Variants in ATP2B4 observed in about 807,000 individuals in gnomAD.
ATP2B4 encodes plasma membrane calcium-transporting ATPase 4.
In ATP2B4, 39 loss-of-function variants were observed where a neutral mutation model predicts 110.3. That is an observed-to-expected ratio of 0.35 (90% confidence interval 0.27 to 0.46). The LOEUF (loss-of-function observed/expected upper bound fraction) is 0.46. Among genes scored for constraint, ATP2B4 ranks in the 20% least tolerant of loss-of-function variants. ATP2B4 has a pLI of 1.00. For missense variants in ATP2B4, 1,135 were observed against 1,530.9 expected (o/e 0.74, Z 4.32); for synonymous variants, 538 against 571.7 (o/e 0.94, Z 0.84).
intron 1 of ATP2B4, among the ~76,000 whole-genome samples, chr1:203,651,128 CT>C (rs1404461502): frequency 2.0e-5 from 3 of 152,062 alleles, no homozygotes; most frequent in Admixed American, 2.0e-4. Context: ...AACAAAAGTT[CT>C]TATTTAAGAG....
chr1:203,672,831 G>A (rs3892123), intron 1 of ATP2B4, among the ~76,000 whole-genome samples: 5,604 of 152,250 alleles, frequency 0.037, 205 homozygotes, highest in African/African-American at 0.095. Flanking sequence ...AGGGGCCTGG[G>A]TGTCCCTCTG....
chr1:203,659,495 G>T (rs193090402), intron 1 of ATP2B4, among the ~76,000 whole-genome samples: 1 of 151,562 alleles, frequency 6.6e-6, no homozygotes, highest in Non-Finnish European at 1.5e-5. Flanking sequence ...ACAGCAAAAC[G>T]TTGTCTCTAC....
intron 15 of ATP2B4, among the ~76,000 whole-genome samples, chr1:203,719,225 G>GA (rs60841821): frequency 0.01 from 555 of 54,146 alleles, 15 homozygotes; most frequent in African/African-American, 0.029. Context: ...ACCCTGTCTC[G>GA]AAAAAAAAAA....
intron 18 of ATP2B4, among the ~76,000 whole-genome samples, chr1:203,723,392 GTTT>G (rs10593701): frequency 0.71 from 87,914 of 123,676 alleles, 32,109 homozygotes; most frequent in Non-Finnish European, 0.77. Context: ...TTTTCTTTTT[GTTT>G]TTTTTTTTTT....
chr1:203,705,657 T>G (rs1369095848), intron 8 of ATP2B4, among the ~76,000 whole-genome samples: 2 of 152,226 alleles, frequency 1.3e-5, no homozygotes, highest in South Asian at 4.1e-4. Context: ...CCTCAAGTGA[T>G]CTGCCGGCCT....
intron 5 of ATP2B4, 118 bp from the exon 6 acceptor site, chr1:203,700,680 C>A: frequency 7.3e-7 from 1 of 1,377,674 alleles, no homozygotes; most frequent in African/African-American, 1.4e-5. Context: ...CTGTGCTAAG[C>A]ACATCATTAT....
Position 203,708,043 on chromosome 1 carries a change from A to G in ATP2B4, c.1496A>G (p.Lys499Arg), listed in dbSNP as rs1665901560. 6.2e-7 allele frequency: 1 copy of G among 1,614,178 alleles called. No individual in the cohort carries two copies. The highest frequency in any genetic ancestry group is 1.3e-5 in the African/African-American group (1 of 75,042). ...CCAAGCCCTGATGTCTTCCTGCCCA[A>G]AGTCCTGGACCTCATTGTCAATGGC... is the stretch of plus-strand genomic sequence containing the variant. ...QIPSPDVFLP[K>R]VLDLIVNGIS... Residue 499 changes from lysine to arginine, a missense_variant, in exon 10 of 21, where the codon AAA becomes AGA. Physicochemically the swap from Lys to Arg is conservative, Grantham distance 26. Around this residue, in one of 9 missense-constraint regions of ATP2B4, gnomAD observed 368 missense variants for 455.9 expected, o/e 0.81. Coordinates refer to ENST00000357681, the MANE Select transcript of ATP2B4 (RefSeq NM_001684.5).
At position 203,739,824 on chromosome 1, in the gene ATP2B4, C is replaced by T. The variant is rs569543365; in HGVS notation, c.3588C>T (p.Ser1196=). ...AAGTGCAGCTCCCCCAGTCGGACAGCTCTCTACAGAGCCTAGAGACATCAG... is the reference window on the plus strand; with the variant it reads ...AAGTGCAGCTCCCCCAGTCGGACAGTTCTCTACAGAGCCTAGAGACATCAG... The part of the protein sequence containing the change: ...CNQVQLPQSD[S]SLQSLETSV The change falls in exon 21 of 21, where the codon AGC becomes AGT. Residue 1196 remains serine, a synonymous_variant. Transcript: ENST00000357681. 5.6e-6 allele frequency: 9 copies of T among 1,614,012 alleles called. No individual in the cohort carries two copies. The highest frequency in any genetic ancestry group is 7.6e-6 in the Non-Finnish European group (9 of 1,179,998).
chr1:203,664,820 G>A (rs184311040), intron 1 of ATP2B4, among the ~76,000 whole-genome samples: 15 of 152,176 alleles, frequency 9.9e-5, no homozygotes, highest in African/African-American at 2.6e-4. Flanking sequence ...TAGTCCTTAA[G>A]GTACTTTTAT....
At chr1:203,713,354 G>T in intron 14 of ATP2B4, 102 bp downstream of exon 14, 1 of 1,269,840 alleles carries the variant, frequency 7.9e-7, no homozygotes. Flanking sequence ...TCCAAATAGG[G>T]AGGTCCTAGG....
At chr1:203,655,343 A>G (rs1664127424) in intron 1 of ATP2B4, among the ~76,000 whole-genome samples, 2 of 32,674 alleles carry the variant, frequency 6.1e-5, no homozygotes, top group Admixed American at 1.1e-3. Flanking sequence ...TCAGTCCTTC[A>G]TGGGGATGTA....
chr1:203,727,821 C>G, intron 20 of ATP2B4: 1 of 475,374 alleles, frequency 2.1e-6, no homozygotes, highest in Non-Finnish European at 3.8e-6. Context: ...TCTGGGTTGA[C>G]CCTAAAGCCC....
chr1:203,712,122 C>G lies in ATP2B4; in HGVS notation c.2194C>G (p.Arg732Gly). Reference sequence around the variant, plus strand: ...AGGCAAAGAATTCAACCGGCTCATCCGCAACGAGAAAGGCGAGGTGGGTCC... The same window carrying G: ...AGGCAAAGAATTCAACCGGCTCATCGGCAACGAGAAAGGCGAGGTGGGTCC... ...LEGKEFNRLIRNEKGEVEQEK... is the reference protein window; with the variant it reads ...LEGKEFNRLIGNEKGEVEQEK... The change falls in exon 13 of 21, where the codon CGC (arginine) becomes GGC (glycine). Residue 732 changes from arginine (R) to glycine (G), a missense_variant. This residue lies in a region of ATP2B4 where 368 missense variants were observed against 455.9 expected (regional missense o/e 0.81). Coordinates refer to ENST00000357681, the MANE Select transcript of ATP2B4 (RefSeq NM_001684.5). 1.2e-6 allele frequency: 2 copies of G among 1,613,926 alleles called. No individual in the cohort carries two copies. Among genetic ancestry groups the G allele is most frequent in the Non-Finnish European group, 1.7e-6 (2 of 1,179,922 alleles).
intron 15 of ATP2B4, among the ~76,000 whole-genome samples, chr1:203,716,219 A>G (rs1032736127): frequency 1.4e-5 from 2 of 145,196 alleles, no homozygotes; most frequent in African/African-American, 5.0e-5. Flanking sequence ...CAGTTGGATC[A>G]TAAAAGAAAA....
At position 203,701,079 on chromosome 1, in the gene ATP2B4, C is replaced by T. The variant is rs191866533; in HGVS notation, c.901+156C>T. ...TCCTTGCTGAGATAAAGATGTAAATCCTTGGCTCCAGGGAGCTCTGATGAA... is the reference window on the plus strand; with the variant it reads ...TCCTTGCTGAGATAAAGATGTAAATTCTTGGCTCCAGGGAGCTCTGATGAA... On this transcript the variant is annotated intron_variant, in intron 6 of 20. Transcript: ENST00000357681. Among the ~76,000 whole-genome samples, 10 of 151,918 alleles carry T rather than the reference C, an allele frequency of 6.6e-5. No homozygotes were observed. The East Asian group carries it at 1.6e-3, about 24-fold the overall frequency.
At chr1:203,706,946 C>T in intron 8 of ATP2B4, 63 bp from the exon 9 acceptor site, 1 of 1,413,900 alleles carries the variant, frequency 7.1e-7, no homozygotes, top group Non-Finnish European at 9.8e-7. Flanking sequence ...GCCAATCTAT[C>T]TCTGGCTAGG....
chr1:203,664,380 AG>A (rs937896005), intron 1 of ATP2B4, among the ~76,000 whole-genome samples: 50 of 152,218 alleles, frequency 3.3e-4, no homozygotes, highest in African/African-American at 1.2e-3. Flanking sequence ...GCTCTGACAG[AG>A]GGGCAGGAGC....
intron 11 of ATP2B4, 59 bp from the exon 12 acceptor site, chr1:203,710,818 T>C (rs966539726): frequency 7.0e-5 from 93 of 1,337,706 alleles, no homozygotes; most frequent in Non-Finnish European, 9.5e-5. Flanking sequence ...CTGTCAATGA[T>C]TGTAGAAACG....
Position 203,727,056 on chromosome 1 carries a change from G to A in ATP2B4, c.3133-339G>A, listed in dbSNP as rs540025973. Among the ~76,000 whole-genome samples the A allele has an allele frequency of 7.9e-5, 12 of 152,262 alleles. No homozygotes were observed. The East Asian group carries it at 2.3e-3, about 29-fold the overall frequency. On this transcript the variant is annotated intron_variant, in intron 19 of 20. Transcript: ENST00000357681. ...ACTGCGTACCATGCTGTATAGTTCT[G>A]TTAACCTTAAAAGACAGATTGCAAA...
Sources: allele counts gnomAD v4.1 joint callset (sites outside exome capture counted in the v4.1 genomes callset), GRCh38; gene constraint gnomAD v4.1.1; regional missense constraint gnomAD v4.1.1; transcripts MANE v1.5; gene names NCBI Gene and HGNC (gene_info 2026-07-23, HGNC 2026-07-21).